Variants in SOS1 observed in about 807,000 individuals in gnomAD.
The protein encoded by SOS1 is SOS Ras/Rac guanine nucleotide exchange factor 1.
In SOS1, 25 loss-of-function variants were observed where a neutral mutation model predicts 157.6. The ratio of observed to expected loss-of-function variants is 0.16; its 90% CI spans 0.12 to 0.22. The LOEUF is 0.22. Ranked by LOEUF, SOS1 falls within the 10% of genes least tolerant of loss-of-function variation. The pLI is 1.00. For missense variants in SOS1, 1,237 were observed against 1,599.1 expected (o/e 0.77, Z 3.86); for synonymous variants, 528 against 534.0 (o/e 0.99, Z 0.16).
At chr2:38,999,324 A>G (rs1669010992) in intron 17 of SOS1, among the ~76,000 whole-genome samples, 1 of 152,206 alleles carries the variant, frequency 6.6e-6, no homozygotes, top group African/African-American at 2.4e-5. Context: ...ATATGAGGAT[A>G]GACATAGGCA....
chr2:39,068,174 TTGAATGATAC>T (rs1671657482), intron 1 of SOS1, among the ~76,000 whole-genome samples: 1 of 152,174 alleles, frequency 6.6e-6, no homozygotes, highest in Admixed American at 6.5e-5. Context: ...AAATACAGAT[TTGAATGATAC>T]TGACCTAGAA....
intron 8 of SOS1, among the ~76,000 whole-genome samples, chr2:39,025,900 T>C (rs1286382092): frequency 6.6e-6 from 1 of 152,242 alleles, no homozygotes; most frequent in Non-Finnish European, 1.5e-5. Context: ...AATACTTTAA[T>C]GGTCAAATAT....
At chr2:39,115,044 C>T (rs546578230) in intron 1 of SOS1, among the ~76,000 whole-genome samples, 3 of 152,302 alleles carry the variant, frequency 2.0e-5, no homozygotes, top group South Asian at 4.1e-4. Context: ...CCTTCCCCCA[C>T]TTCTTATGCC....
intron 8 of SOS1, among the ~76,000 whole-genome samples, 159 bp from the exon 9 acceptor site, chr2:39,024,296 T>C (rs999716793): frequency 6.6e-6 from 1 of 152,202 alleles, no homozygotes; most frequent in Non-Finnish European, 1.5e-5. Context: ...TCTTGTGTGT[T>C]ACTATTAATA....
In SOS1 at chr2:39,091,229, T is replaced by C. The variant is rs1450922474; in HGVS notation, c.88-23476A>G. ...ACCAACACTGCTGGTCTGAGGAATG[T>C]CCTTTGTGCAGTGAGAGTGTACACA... On this transcript the variant is annotated intron_variant, in intron 1 of 22. Coordinates refer to ENST00000402219, the MANE Select transcript of SOS1 (RefSeq NM_005633.4). 3.3e-5 allele frequency among the ~76,000 whole-genome samples: 5 copies of C among 152,136 alleles called. No homozygotes were observed. The East Asian group carries it at 7.7e-4, about 23-fold the overall frequency.
intron 17 of SOS1, among the ~76,000 whole-genome samples, chr2:39,002,134 T>C (rs1669123395): frequency 6.6e-6 from 1 of 152,150 alleles, no homozygotes; most frequent in South Asian, 2.1e-4. Flanking sequence ...CTGGCCAGCC[T>C]GGCCAACATG....
chr2:39,079,302 A>C (rs950587708), intron 1 of SOS1, among the ~76,000 whole-genome samples: 1 of 152,112 alleles, frequency 6.6e-6, no homozygotes, highest in Non-Finnish European at 1.5e-5. Context: ...AATACGATCC[A>C]TTTATATCAA....
chr2:39,024,140 G>T lies in SOS1; in HGVS notation c.1075-3C>A. On this transcript the variant is annotated splice_region_variant and splice_polypyrimidine_tract_variant and intron_variant, in intron 8 of 22. Transcript: ENST00000402219. Reference sequence around the variant, plus strand: ...TCTTCACTTTTTTCTTCTAACTGCTGTAAAGCCAAAATGACAAATCTGAAC... The same window carrying T: ...TCTTCACTTTTTTCTTCTAACTGCTTTAAAGCCAAAATGACAAATCTGAAC... 6.2e-7 allele frequency: 1 copy of T among 1,609,308 alleles called. No homozygotes were observed. Among genetic ancestry groups the T allele is most frequent in the Non-Finnish European group, 8.5e-7 (1 of 1,176,116 alleles).
At chr2:39,069,361 C>G (rs1273570587) in intron 1 of SOS1, among the ~76,000 whole-genome samples, 1 of 151,880 alleles carries the variant, frequency 6.6e-6, no homozygotes, top group Non-Finnish European at 1.5e-5. Flanking sequence ...GCCTGGCCAA[C>G]AGAGGGAGAC....
intron 17 of SOS1, among the ~76,000 whole-genome samples, chr2:39,002,498 G>A (rs1222372817): frequency 6.6e-6 from 1 of 152,094 alleles, no homozygotes; most frequent in Non-Finnish European, 1.5e-5. Context: ...TCTGTGTACC[G>A]GAGACCATGG....
chr2:39,063,949 C>CA (rs1305059275), intron 2 of SOS1, among the ~76,000 whole-genome samples: 2 of 152,122 alleles, frequency 1.3e-5, no homozygotes, highest in Non-Finnish European at 2.9e-5. Context: ...CCTCCCACCT[C>CA]AACCTCTCAG....
At chr2:39,112,934 G>A (rs559559962) in intron 1 of SOS1, among the ~76,000 whole-genome samples, 2 of 152,148 alleles carry the variant, frequency 1.3e-5, no homozygotes, top group Admixed American at 1.3e-4. Flanking sequence ...AGCTACTGGG[G>A]AGGCTGAGGC....
At chr2:39,076,331 T>G (rs1007891295) in intron 1 of SOS1, among the ~76,000 whole-genome samples, 1 of 151,282 alleles carries the variant, frequency 6.6e-6, no homozygotes, top group Non-Finnish European at 1.5e-5. Flanking sequence ...GCCCAGGAGG[T>G]GGAGGTTGCA....
intron 1 of SOS1, among the ~76,000 whole-genome samples, chr2:39,103,543 A>G (rs1673052138): frequency 6.6e-6 from 1 of 152,248 alleles, no homozygotes; most frequent in Non-Finnish European, 1.5e-5. Context: ...CAATGGAGAA[A>G]TAAGACCCTG....
chr2:39,018,105 G>A (rs1034866367), intron 10 of SOS1, among the ~76,000 whole-genome samples: 6 of 151,506 alleles, frequency 4.0e-5, no homozygotes, highest in African/African-American at 1.5e-4. Flanking sequence ...GAGATGAAAG[G>A]TAAACACATA....
intron 17 of SOS1, among the ~76,000 whole-genome samples, chr2:39,001,554 A>G (rs1303331965): frequency 6.6e-6 from 1 of 152,198 alleles, no homozygotes; most frequent in Non-Finnish European, 1.5e-5. Flanking sequence ...TAATAGAGGA[A>G]GTATCAGCTA....
In SOS1 at chr2:39,035,233, G is replaced by C; in HGVS notation, c.1053C>G (p.Leu351=). 9 of 1,612,254 alleles carry C rather than the reference G, an allele frequency of 5.6e-6. No individual in the cohort carries two copies. Among genetic ancestry groups the C allele is most frequent in the Non-Finnish European group, 6.8e-6 (8 of 1,178,420 alleles). The change falls in exon 8 of 23, where the codon CTC becomes CTG. Residue 351 remains leucine (L), a synonymous_variant. Transcript: ENST00000402219. The part of the protein sequence containing the change: ...RLLLAPVYHC[L]HYFELLKQLE... Reference sequence around the variant, plus strand: ...TTACCTTCAAAAGTTCAAAGTAATGGAGACAGTGGTAAACAGGGGCCAGAA... The same window carrying C: ...TTACCTTCAAAAGTTCAAAGTAATGCAGACAGTGGTAAACAGGGGCCAGAA...
intron 6 of SOS1, among the ~76,000 whole-genome samples, chr2:39,038,464 G>A (rs868135066): frequency 3.3e-5 from 5 of 151,912 alleles, no homozygotes; most frequent in Middle Eastern, 6.8e-3. Context: ...GGCTGGGCGC[G>A]GTGGCTCACG....
At chr2:39,049,169 C>T (rs1026279861) in intron 6 of SOS1, among the ~76,000 whole-genome samples, 13 of 152,206 alleles carry the variant, frequency 8.5e-5, no homozygotes, top group Non-Finnish European at 1.2e-4. Context: ...CTGCCCGCTT[C>T]GGCCTCCCAA....
Sources: allele counts gnomAD v4.1 joint callset (sites outside exome capture counted in the v4.1 genomes callset), GRCh38; gene constraint gnomAD v4.1.1; transcripts MANE v1.5; gene names NCBI Gene and HGNC (gene_info 2026-07-23, HGNC 2026-07-21).